PPHLN1: variants seen among roughly 807,000 people sequenced by gnomAD.
The protein encoded by PPHLN1 is periphilin-1.
A neutral mutation model predicts 51.3 loss-of-function variants in PPHLN1; 29 were observed. The ratio of observed to expected loss-of-function variants is 0.57; its 90% CI spans 0.42 to 0.77. The LOEUF is 0.77. PPHLN1 is among the 30% of genes least tolerant of loss of function. The pLI is 0.00. For missense variants in PPHLN1, 436 were observed against 438.4 expected, an observed-to-expected ratio of 0.99 and a Z score of 0.05; for synonymous variants, 147 against 147.8, an observed-to-expected ratio of 0.99 and a Z score of 0.04.
At chr12:42,398,239 A>T (rs558195607) in intron 8 of PPHLN1, among the ~76,000 whole-genome samples, 1 of 152,286 alleles carries the variant, frequency 6.6e-6, no homozygotes, top group East Asian at 1.9e-4. Context: ...TGAAGTGATC[A>T]TTATTGATTT....
At chr12:42,388,390 T>G (rs878931841) in intron 7 of PPHLN1, among the ~76,000 whole-genome samples, 1 of 152,192 alleles carries the variant, frequency 6.6e-6, no homozygotes, top group African/African-American at 2.4e-5. Flanking sequence ...TCTGGCCTAC[T>G]TGCACATCCA....
chr12:42,338,347 A>G (rs1037205679), intron 2 of PPHLN1, among the ~76,000 whole-genome samples: 1 of 152,210 alleles, frequency 6.6e-6, no homozygotes, highest in African/African-American at 2.4e-5. Context: ...GACTGGGGAA[A>G]GCAGGTTATT....
downstream of PPHLN1, chr12:42,446,391 TC>T: frequency 1.4e-6 from 2 of 1,455,848 alleles, no homozygotes; most frequent in South Asian, 2.8e-5. Context: ...CCTATTCCCT[TC>T]CCAGCGTCTA....
intron 2 of PPHLN1, among the ~76,000 whole-genome samples, chr12:42,347,822 A>G (rs1427407801): frequency 2.0e-5 from 3 of 152,202 alleles, no homozygotes; most frequent in African/African-American, 4.8e-5. Flanking sequence ...GCCACTCATC[A>G]TAGATTTTAT....
chr12:42,334,954 G>T (rs1186743665), intron 1 of PPHLN1, among the ~76,000 whole-genome samples: 1 of 152,180 alleles, frequency 6.6e-6, no homozygotes, highest in Non-Finnish European at 1.5e-5. Context: ...AGAGATCTGT[G>T]ACCTACAAGG....
In PPHLN1 at chr12:42,366,535, T is replaced by TTTTTTG. The variant is rs552297283; in HGVS notation, c.300-8304_300-8299dup. Among the ~76,000 whole-genome samples the TTTTTTG allele has an allele frequency of 2.5e-3, 373 of 151,820 alleles. 1 individual carries two copies. The highest frequency in any genetic ancestry group is 7.6e-3 in the African/African-American group (315 of 41,382). On this transcript the variant is annotated intron_variant, in intron 4 of 9. Coordinates refer to ENST00000358314, the MANE Select transcript of PPHLN1 (RefSeq NM_201439.2). ...AGCCTGCACCTGGCCTTTCTTGTTTTTTTTTGTTTTTGTTTTTGTTTTTGT... is the reference window on the plus strand; with the variant it reads ...AGCCTGCACCTGGCCTTTCTTGTTTTTTTTTGTTTTTGTTTTTGTTTTTGTTTTTGT...
intron 1 of PPHLN1, chr12:42,331,823 G>C (rs1170727092): frequency 6.6e-6 from 1 of 152,242 alleles, no homozygotes; most frequent in African/African-American, 2.4e-5. Flanking sequence ...GCACTGATAT[G>C]AGGAGATGTA....
intron 9 of PPHLN1, among the ~76,000 whole-genome samples, chr12:42,411,830 A>G (rs2600919): frequency 0.99 from 144,227 of 146,066 alleles, 71,224 homozygotes; most frequent in East Asian, 1. Flanking sequence ...GCTGGCACCC[A>G]GAGGTGGAGG....
chr12:42,384,130 C>T (rs974872117), intron 5 of PPHLN1, among the ~76,000 whole-genome samples: 9 of 151,488 alleles, frequency 5.9e-5, no homozygotes, highest in Non-Finnish European at 4.4e-5. Flanking sequence ...AAGGATACTG[C>T]TTCCTCAACA....
At chr12:42,433,046 C>T in intron 9 of PPHLN1, 2 of 896,122 alleles carry the variant, frequency 2.2e-6, no homozygotes, top group Non-Finnish European at 3.8e-6. Flanking sequence ...ATCCACTGTG[C>T]ATTTAAAGAC....
intron 9 of PPHLN1, among the ~76,000 whole-genome samples, chr12:42,425,246 A>ATTTT (rs34484756): frequency 0.014 from 1,789 of 124,722 alleles, 62 homozygotes; most frequent in African/African-American, 0.051. Flanking sequence ...TGCCTGGCTA[A>ATTTT]TTTTTTTTTT....
intron 9 of PPHLN1, among the ~76,000 whole-genome samples, chr12:42,413,605 G>C (rs187630558): frequency 0.023 from 3,430 of 150,414 alleles, 61 homozygotes; most frequent in South Asian, 0.059. Context: ...TCTCTTGCCC[G>C]GGCTGGAGTG....
intron 9 of PPHLN1, among the ~76,000 whole-genome samples, chr12:42,429,359 G>C (rs1416495206): frequency 6.6e-6 from 1 of 152,140 alleles, no homozygotes; most frequent in Non-Finnish European, 1.5e-5. Context: ...TTAAGTCTAA[G>C]AATTTGGTCT....
chr12:42,431,852 T>C, intron 9 of PPHLN1: 1 of 1,572,452 alleles, frequency 6.4e-7, no homozygotes, highest in Non-Finnish European at 8.8e-7. Flanking sequence ...CCATTTTCAA[T>C]AACTGAAGCT....
At chr12:42,403,610 G>C (rs188773827) in intron 9 of PPHLN1, among the ~76,000 whole-genome samples, 1 of 152,268 alleles carries the variant, frequency 6.6e-6, no homozygotes, top group East Asian at 1.9e-4. Context: ...TGATGAATCT[G>C]TTAAGATGTT....
intron 1 of PPHLN1, among the ~76,000 whole-genome samples, chr12:42,330,912 T>C (rs975088846): frequency 2.0e-5 from 3 of 152,218 alleles, no homozygotes; most frequent in Admixed American, 6.5e-5. Flanking sequence ...GGTTTCACCA[T>C]GTCAGCCAGG....
At chr12:42,417,823 A>G (rs138302989) in intron 9 of PPHLN1, among the ~76,000 whole-genome samples, 270 of 152,094 alleles carry the variant, frequency 1.8e-3, no homozygotes, top group African/African-American at 5.7e-3. Context: ...TCAAAATTAA[A>G]AAGACAAGTG....
At chr12:42,388,227 A>G (rs1565905946) in intron 7 of PPHLN1, among the ~76,000 whole-genome samples, 1 of 152,174 alleles carries the variant, frequency 6.6e-6, no homozygotes, top group Admixed American at 6.5e-5. Flanking sequence ...TGCCCTGGGA[A>G]CTGAATGTCT....
chr12:42,392,697 G>A (rs1332291878), intron 7 of PPHLN1, among the ~76,000 whole-genome samples: 1 of 152,148 alleles, frequency 6.6e-6, no homozygotes, highest in Non-Finnish European at 1.5e-5. Flanking sequence ...AATTATATCT[G>A]ATCCAGAAAA....
Sources: gnomAD v4.1 joint callset for allele counts (sites outside exome capture counted in the v4.1 genomes callset) on GRCh38, gnomAD v4.1.1 for gene constraint, MANE v1.5 for transcripts, NCBI Gene and HGNC (gene_info 2026-07-23, HGNC 2026-07-21) for gene names.